SLIT2: variants seen among roughly 807,000 people sequenced by gnomAD.
SLIT2 encodes the protein slit homolog 2 protein.
In SLIT2, 41 loss-of-function variants were observed where a neutral mutation model predicts 185.7. That is an observed-to-expected ratio of 0.22 (90% confidence interval 0.17 to 0.29). The LOEUF is 0.29. Ranked by LOEUF, SLIT2 falls within the 10% of genes least tolerant of loss-of-function variation. The probability of loss-of-function intolerance (pLI) is 1.00; values close to 1 mark genes in which losing one functional copy is unlikely to be tolerated. For missense variants in SLIT2, 1,571 were observed against 1,909.0 expected (o/e 0.82, Z 3.30); for synonymous variants, 693 against 680.2 (o/e 1.02, Z -0.29).
chr4:20,608,065 T>C (rs1728924650), intron 33 of SLIT2, among the ~76,000 whole-genome samples: 1 of 152,114 alleles, frequency 6.6e-6, no homozygotes, highest in East Asian at 1.9e-4. Context: ...TCAGAAATGG[T>C]ATTGAATTAT....
chr4:20,268,674 T>C, intron 3 of SLIT2, 136 bp from the exon 4 acceptor site: 2 of 675,774 alleles, frequency 3.0e-6, no homozygotes, highest in Non-Finnish European at 5.3e-6. Context: ...AACTTTTGAT[T>C]TGCAATGCTT....
At chr4:20,398,885 A>C (rs1288151037) in intron 4 of SLIT2, among the ~76,000 whole-genome samples, 1 of 151,800 alleles carries the variant, frequency 6.6e-6, no homozygotes, top group Non-Finnish European at 1.5e-5. Flanking sequence ...GACAATACAA[A>C]ATTCTAATGA....
At chr4:20,514,362 C>A (rs1027726989) in intron 11 of SLIT2, among the ~76,000 whole-genome samples, 2 of 152,092 alleles carry the variant, frequency 1.3e-5, no homozygotes, top group East Asian at 3.9e-4. Flanking sequence ...AAATTTCAGC[C>A]AGGCGTGGTG....
At chr4:20,570,071 G>C (rs1298415624) in intron 29 of SLIT2, among the ~76,000 whole-genome samples, 1 of 152,154 alleles carries the variant, frequency 6.6e-6, no homozygotes, top group African/African-American at 2.4e-5. Flanking sequence ...AGAATAATGA[G>C]GCTCGGTTTT....
chr4:20,268,138 C>T (rs956066053), intron 3 of SLIT2, among the ~76,000 whole-genome samples: 1 of 151,930 alleles, frequency 6.6e-6, no homozygotes, highest in African/African-American at 2.4e-5. Flanking sequence ...CAATCACACT[C>T]TTTTCTAAAA....
At chr4:20,565,738 C>T (rs1725036392) in intron 26 of SLIT2, among the ~76,000 whole-genome samples, 1 of 151,958 alleles carries the variant, frequency 6.6e-6, no homozygotes, top group East Asian at 1.9e-4. Context: ...AAGAAGTAAG[C>T]ACCACCTCTT....
intron 4 of SLIT2, among the ~76,000 whole-genome samples, chr4:20,384,212 T>TA (rs1319970596): frequency 2.6e-5 from 4 of 152,016 alleles, no homozygotes; most frequent in South Asian, 2.1e-4. Context: ...CAGCAATTAA[T>TA]AAAAAACAAC....
chr4:20,286,703 G>T lies in SLIT2; in HGVS notation c.395+17822G>T, dbSNP rs182844585. Among the ~76,000 whole-genome samples the T allele has an allele frequency of 1.6e-4, 24 of 152,294 alleles. No homozygotes were observed. In the East Asian group the frequency reaches 4.5e-3, roughly 28 times the overall value. On this transcript the variant is annotated intron_variant, in intron 4 of 36. Coordinates refer to ENST00000504154, the MANE Select transcript of SLIT2 (RefSeq NM_004787.4). Reference sequence around the variant, plus strand: ...TGCAGTCCCAGCTACTCGGGAGGCTGAGGTGGGAGAATCGCTTGAACCTGG... The same window carrying T: ...TGCAGTCCCAGCTACTCGGGAGGCTTAGGTGGGAGAATCGCTTGAACCTGG...
At chr4:20,299,335 T>C (rs1184351702) in intron 4 of SLIT2, among the ~76,000 whole-genome samples, 1 of 152,194 alleles carries the variant, frequency 6.6e-6, no homozygotes, top group Non-Finnish European at 1.5e-5. Flanking sequence ...AAAACAAATT[T>C]TGTTACTGGA....
intron 4 of SLIT2, among the ~76,000 whole-genome samples, chr4:20,448,326 G>C (rs1712053304): frequency 6.6e-6 from 1 of 151,890 alleles, no homozygotes; most frequent in South Asian, 2.1e-4. Context: ...TTTTGAGACA[G>C]AGCCTCGCTC....
chr4:20,599,038 A>G (rs1354238715), intron 33 of SLIT2, among the ~76,000 whole-genome samples: 1 of 152,176 alleles, frequency 6.6e-6, no homozygotes, highest in East Asian at 1.9e-4. Flanking sequence ...TTCATACCTC[A>G]GAGGTTTATT....
In SLIT2 at chr4:20,489,159, G is replaced by A. The variant is rs550735290; in HGVS notation, c.775+177G>A. ...ATATGTTCTGAGACCTCACTATATC[G>A]GTTGGCAAGTACTGGTTACTTGTAT... On this transcript the variant is annotated intron_variant, in intron 8 of 36. Transcript: ENST00000504154. Among the ~76,000 whole-genome samples, 11 of 152,220 alleles carry A rather than the reference G, an allele frequency of 7.2e-5. No individual in the cohort carries two copies. In the South Asian group the frequency reaches 2.1e-3, roughly 29 times the overall value.
rs1470596068 is a variant in SLIT2 at position 20,388,793 on chromosome 4, AT to A, written c.396-78958del. Among the ~76,000 whole-genome samples, 710 of 118,634 alleles carry A rather than the reference AT, an allele frequency of 6.0e-3. 3 individuals are homozygous for A. Among genetic ancestry groups the A allele is most frequent in the African/African-American group, 0.02 (627 of 31,344 alleles). 77.8% of individuals were successfully genotyped at this position (118,634 alleles called of 152,430 possible). ...CGTCTCAGGGGAAAAAAAAAAAAAAATATATATATATATAACATATGTAAAA... is the reference window on the plus strand; with the variant it reads ...CGTCTCAGGGGAAAAAAAAAAAAAAAATATATATATATAACATATGTAAAA... On this transcript the variant is annotated intron_variant, in intron 4 of 36. Coordinates refer to ENST00000504154, the MANE Select transcript of SLIT2 (RefSeq NM_004787.4).
Position 20,617,494 on chromosome 4 carries a change from T to C in SLIT2, c.4192T>C (p.Leu1398=). Residue 1398 remains leucine (L), a synonymous_variant, in exon 36 of 37, where the codon TTG becomes CTG. Transcript: ENST00000504154. The part of the protein sequence containing the change: ...INAFSYSCKC[L]EGHGGVLCDE... ...TGCGTTCTCCTACAGCTGTAAGTGC[T>C]TGGAGGGCCATGGAGGTGTCCTCTG... 6.2e-7 allele frequency: 1 copy of C among 1,614,144 alleles called. No individual in the cohort carries two copies. Among genetic ancestry groups the C allele is most frequent in the Non-Finnish European group, 8.5e-7 (1 of 1,180,016 alleles).
intron 30 of SLIT2, among the ~76,000 whole-genome samples, chr4:20,591,317 T>G (rs548004601): frequency 3.9e-5 from 6 of 152,132 alleles, no homozygotes; most frequent in Admixed American, 6.5e-5. Context: ...ATCAGATATT[T>G]TAAGTCGGGT....
At chr4:20,493,640 T>C (rs1717982082) in intron 9 of SLIT2, among the ~76,000 whole-genome samples, 1 of 152,218 alleles carries the variant, frequency 6.6e-6, no homozygotes, top group African/African-American at 2.4e-5. Flanking sequence ...GGTTTACCTA[T>C]CATTTACTAT....
intron 4 of SLIT2, among the ~76,000 whole-genome samples, chr4:20,453,671 T>A (rs1308919802): frequency 2.0e-5 from 3 of 152,172 alleles, no homozygotes; most frequent in Non-Finnish European, 4.4e-5. Flanking sequence ...GAAATTCTTA[T>A]ATAATTAAAG....
At chr4:20,561,258 C>T (rs1193026180) in intron 26 of SLIT2, among the ~76,000 whole-genome samples, 1 of 151,826 alleles carries the variant, frequency 6.6e-6, no homozygotes, top group African/African-American at 2.4e-5. Context: ...ATTGGCATAA[C>T]CCATGATAAT....
intron 4 of SLIT2, among the ~76,000 whole-genome samples, chr4:20,301,615 A>C (rs1326430137): frequency 6.6e-6 from 1 of 152,214 alleles, no homozygotes; most frequent in African/African-American, 2.4e-5. Flanking sequence ...GCTAAGGAAG[A>C]AAATGCTATT....
Sources: allele counts gnomAD v4.1 joint callset (sites outside exome capture counted in the v4.1 genomes callset), GRCh38; gene constraint gnomAD v4.1.1; transcripts MANE v1.5; gene names NCBI Gene and HGNC (gene_info 2026-07-23, HGNC 2026-07-21).